SGCZ: variants seen among roughly 807,000 people sequenced by gnomAD.
The protein encoded by SGCZ is zeta-sarcoglycan.
SGCZ carries 40 observed loss-of-function variants against 41.3 expected under a neutral mutation model. That is an observed-to-expected ratio of 0.97 (90% CI 0.75 to 1.26). The LOEUF is 1.26. Among genes scored for constraint, SGCZ ranks in the 50% most tolerant of loss-of-function variants. The pLI is 0.00. For missense variants in SGCZ, 552 were observed against 369.8 expected, an observed-to-expected ratio of 1.49 and a Z score of -4.04; for synonymous variants, 206 against 137.5, an observed-to-expected ratio of 1.50 and a Z score of -3.49.
intron 1 of SGCZ, among the ~76,000 whole-genome samples, chr8:15,157,871 G>A (rs1227685280): frequency 6.6e-6 from 1 of 152,122 alleles, no homozygotes; most frequent in Non-Finnish European, 1.5e-5. Context: ...TACCCATTTG[G>A]CCTACAAAGA....
At chr8:15,073,286 T>C (rs560999581) in intron 1 of SGCZ, among the ~76,000 whole-genome samples, 1 of 152,302 alleles carries the variant, frequency 6.6e-6, no homozygotes, top group South Asian at 2.1e-4. Flanking sequence ...ACTAAAAATA[T>C]TGCTTGGCTA....
intron 1 of SGCZ, among the ~76,000 whole-genome samples, chr8:14,766,037 A>G (rs1043448339): frequency 6.8e-6 from 1 of 148,044 alleles, no homozygotes; most frequent in African/African-American, 2.5e-5. Context: ...ATCTCGGCTC[A>G]CTGCAACCTC....
chr8:14,665,686 C>T (rs1436669369), intron 1 of SGCZ, among the ~76,000 whole-genome samples: 1 of 152,022 alleles, frequency 6.6e-6, no homozygotes, highest in Non-Finnish European at 1.5e-5. Flanking sequence ...TTTTCATACC[C>T]CATTCATCAT....
At chr8:14,330,834 T>C (rs1478202654) in intron 2 of SGCZ, among the ~76,000 whole-genome samples, 1 of 151,890 alleles carries the variant, frequency 6.6e-6, no homozygotes, top group Non-Finnish European at 1.5e-5. Flanking sequence ...TTAAAATAGA[T>C]GTATCGATTA....
chr8:14,600,689 T>C (rs1005276829), intron 1 of SGCZ, among the ~76,000 whole-genome samples: 1 of 152,190 alleles, frequency 6.6e-6, no homozygotes, highest in African/African-American at 2.4e-5. Context: ...ATTCAGCCTG[T>C]GATGGCTGTG....
chr8:15,093,341 C>A (rs150538719), intron 1 of SGCZ, among the ~76,000 whole-genome samples: 2 of 152,266 alleles, frequency 1.3e-5, no homozygotes, highest in African/African-American at 4.8e-5. Context: ...TATTCTAGCT[C>A]AAAACAGTAC....
At chr8:14,307,537 A>G (rs1050473909) in intron 3 of SGCZ, among the ~76,000 whole-genome samples, 1 of 152,092 alleles carries the variant, frequency 6.6e-6, no homozygotes, top group African/African-American at 2.4e-5. Context: ...CTTCAGCAAA[A>G]AAAGAAAGGG....
chr8:14,145,330 T>C (rs1803488899), intron 5 of SGCZ, among the ~76,000 whole-genome samples: 1 of 152,134 alleles, frequency 6.6e-6, no homozygotes, highest in Admixed American at 6.5e-5. Context: ...CAAGGCTTAA[T>C]ATGCAGATAC....
intron 1 of SGCZ, among the ~76,000 whole-genome samples, chr8:15,035,401 A>G (rs1803837866): frequency 6.6e-6 from 1 of 152,154 alleles, no homozygotes; most frequent in Non-Finnish European, 1.5e-5. Flanking sequence ...AAAACCATCC[A>G]ATCACAAAGG....
At chr8:14,595,367 T>G (rs1805374877) in intron 1 of SGCZ, among the ~76,000 whole-genome samples, 1 of 151,036 alleles carries the variant, frequency 6.6e-6, no homozygotes, top group Admixed American at 6.6e-5. Flanking sequence ...TTTGTGTTTG[T>G]ACTCACATAT....
At chr8:14,220,905 GT>G (rs1463030308) in intron 4 of SGCZ, among the ~76,000 whole-genome samples, 2 of 152,176 alleles carry the variant, frequency 1.3e-5, no homozygotes. Flanking sequence ...GTTATCTTAA[GT>G]TGTAGATGTT....
chr8:14,544,542 C>A (rs929862182), intron 2 of SGCZ, among the ~76,000 whole-genome samples: 1 of 151,954 alleles, frequency 6.6e-6, no homozygotes, highest in African/African-American at 2.4e-5. Flanking sequence ...AATATTAATA[C>A]CCTGGGAAAG....
intron 1 of SGCZ, among the ~76,000 whole-genome samples, chr8:14,671,676 C>A (rs1353143791): frequency 6.6e-6 from 1 of 152,044 alleles, no homozygotes; most frequent in East Asian, 1.9e-4. Context: ...TCTTAACATT[C>A]AAACCATGCA....
At chr8:14,266,964 G>A (rs1032866901) in intron 3 of SGCZ, among the ~76,000 whole-genome samples, 7 of 152,012 alleles carry the variant, frequency 4.6e-5, no homozygotes, top group Non-Finnish European at 1.0e-4. Context: ...TTCTGTGAAG[G>A]AACTAGGACA....
chr8:14,581,221 G>T (rs4831608), intron 1 of SGCZ, among the ~76,000 whole-genome samples: 5 of 151,884 alleles, frequency 3.3e-5, no homozygotes, highest in Admixed American at 6.6e-5. Context: ...CGATTCTCCT[G>T]CCTCAGCCAT....
intron 2 of SGCZ, among the ~76,000 whole-genome samples, chr8:14,336,624 T>C (rs1242680443): frequency 2.0e-5 from 3 of 152,180 alleles, no homozygotes; most frequent in Non-Finnish European, 4.4e-5. Flanking sequence ...TTTTTAATCA[T>C]AGCCATTCTG....
intron 1 of SGCZ, among the ~76,000 whole-genome samples, chr8:14,719,660 A>C (rs1159503167): frequency 1.3e-5 from 2 of 151,872 alleles, no homozygotes; most frequent in Non-Finnish European, 2.9e-5. Context: ...TTCTTTTGAG[A>C]AGTGTCTGTT....
intron 1 of SGCZ, among the ~76,000 whole-genome samples, chr8:15,221,025 T>C (rs1408869537): frequency 6.6e-6 from 1 of 151,678 alleles, no homozygotes; most frequent in Non-Finnish European, 1.5e-5. Flanking sequence ...GGGTAGGGTA[T>C]AGGGGGAGGG....
chr8:14,673,085 T>C (rs552583355), intron 1 of SGCZ, among the ~76,000 whole-genome samples: 3 of 152,218 alleles, frequency 2.0e-5, no homozygotes, highest in Non-Finnish European at 4.4e-5. Flanking sequence ...TCAAATGTCC[T>C]GGTGTACTTC....
Sources: gnomAD v4.1 joint callset for allele counts (sites outside exome capture counted in the v4.1 genomes callset) on GRCh38, gnomAD v4.1.1 for gene constraint, MANE v1.5 for transcripts, NCBI Gene and HGNC (gene_info 2026-07-23, HGNC 2026-07-21) for gene names.